GET1: variants seen among roughly 807,000 people sequenced by gnomAD.
The protein encoded by GET1 is guided entry of tail-anchored proteins factor 1.
Under a neutral mutation model 22.6 loss-of-function variants are expected in GET1, and 20 were observed. The observed-to-expected ratio is 0.89, with a 90% CI of 0.62 to 1.29. The LOEUF is 1.29. Ranked by LOEUF, GET1 falls within the 50% of genes most tolerant of loss-of-function variation. The probability of loss-of-function intolerance (pLI) is 0.00; values close to 1 mark genes in which losing one functional copy is unlikely to be tolerated. For synonymous variants in GET1, 92 were observed against 83.8 expected (o/e 1.10, Z -0.53); for missense variants, 209 against 219.9 (o/e 0.95, Z 0.31).
downstream of GET1, among the ~76,000 whole-genome samples, chr21:39,407,534 ACCT>A (rs371320765): frequency 1.1e-3 from 168 of 152,016 alleles, 1 homozygote; most frequent in African/African-American, 3.7e-3. Flanking sequence ...TAACAATAAA[ACCT>A]CCTAAACATC....
chr21:39,399,625 G>A (rs1210173490), downstream of GET1, among the ~76,000 whole-genome samples: 1 of 152,016 alleles, frequency 6.6e-6, no homozygotes, highest in African/African-American at 2.4e-5. Flanking sequence ...ATGTTTAGTA[G>A]AGATGGGGTT....
chr21:39,413,110 C>T (rs1362315725), intron 1 of GET1, among the ~76,000 whole-genome samples: 1 of 152,164 alleles, frequency 6.6e-6, no homozygotes, highest in Non-Finnish European at 1.5e-5. Flanking sequence ...GGAGTTTTAG[C>T]AGCCACATTC....
intron 1 of GET1, chr21:39,423,621 T>A (rs1802452945): frequency 1.4e-6 from 1 of 698,842 alleles, no homozygotes; most frequent in Non-Finnish European, 2.2e-6. Flanking sequence ...TAAGTGTAAC[T>A]AGAAGGGGAC....
At chr21:39,380,834 A>G (rs1373352002) in intron 1 of GET1, 4 of 985,780 alleles carry the variant, frequency 4.1e-6, no homozygotes, top group Non-Finnish European at 3.6e-6. Flanking sequence ...GCCCTCGGCC[A>G]GGGTTTCCCA....
intron 1 of GET1, among the ~76,000 whole-genome samples, chr21:39,412,173 C>T (rs958767843): frequency 9.2e-5 from 14 of 152,202 alleles, no homozygotes; most frequent in African/African-American, 2.2e-4. Flanking sequence ...AAATTTAGGT[C>T]GTCAGCCACA....
intron 1 of GET1, among the ~76,000 whole-genome samples, chr21:39,423,838 C>T (rs2074162000): frequency 6.6e-6 from 1 of 152,102 alleles, no homozygotes; most frequent in Non-Finnish European, 1.5e-5. Flanking sequence ...ACTTAGATTT[C>T]TATTATAACA....
At chr21:39,396,456 A>C (rs2038653854) in intron 4 of GET1, among the ~76,000 whole-genome samples, 1 of 152,016 alleles carries the variant, frequency 6.6e-6, no homozygotes, top group Admixed American at 6.6e-5. Flanking sequence ...TGAACCCGGG[A>C]GGTAGAGCTT....
downstream of GET1, among the ~76,000 whole-genome samples, chr21:39,408,095 A>G (rs963674879): frequency 2.0e-5 from 3 of 152,212 alleles, no homozygotes; most frequent in African/African-American, 7.2e-5. Context: ...TCATGCATGT[A>G]CTTTCCTCAG....
At chr21:39,417,900 G>A (rs553681960) in intron 1 of GET1, among the ~76,000 whole-genome samples, 1 of 152,190 alleles carries the variant, frequency 6.6e-6, no homozygotes, top group African/African-American at 2.4e-5. Flanking sequence ...CAAGTAGCTG[G>A]GACTACAGGT....
intron 1 of GET1, among the ~76,000 whole-genome samples, chr21:39,426,351 G>A (rs1258869642): frequency 1.3e-5 from 2 of 152,110 alleles, no homozygotes; most frequent in African/African-American, 4.8e-5. Context: ...AATTCGAAAT[G>A]CAATTTCTCT....
chr21:39,409,592 G>T (rs1019633371), downstream of GET1, among the ~76,000 whole-genome samples: 2 of 150,232 alleles, frequency 1.3e-5, no homozygotes, highest in African/African-American at 4.9e-5. This position sits in a 1 kb window ranked among gnomAD's most constrained non-coding sequence, Gnocchi z 4.2. Flanking sequence ...ACGGTTTTAT[G>T]TTTTTTTTTT....
downstream of GET1, chr21:39,410,303 C>T (rs746018561): frequency 8.1e-6 from 13 of 1,610,650 alleles, no homozygotes; most frequent in Non-Finnish European, 1.0e-5. Context: ...TTTGGGTTCC[C>T]TGGTGTCTCA....
chr21:39,380,536 C>A (rs1450897543), intron 1 of GET1, 50 bp downstream of exon 1: 3 of 1,576,140 alleles, frequency 1.9e-6, no homozygotes, highest in East Asian at 4.6e-5. Flanking sequence ...CCGCCCCAGT[C>A]CCCCGGCGGG....
intron 1 of GET1, among the ~76,000 whole-genome samples, chr21:39,419,539 A>AAG (rs2041924438): frequency 2.0e-5 from 3 of 151,680 alleles, no homozygotes; most frequent in African/African-American, 7.3e-5. Flanking sequence ...AAAAAAAGAA[A>AAG]AAAGAAAAAA....
chr21:39,417,358 C>T (rs1057009287), intron 1 of GET1, among the ~76,000 whole-genome samples: 8 of 151,982 alleles, frequency 5.3e-5, no homozygotes, highest in African/African-American at 9.7e-5. Flanking sequence ...GTTTTTTTTA[C>T]GTTTAATTCT....
chr21:39,416,702 C>T (rs2041231225), intron 1 of GET1, among the ~76,000 whole-genome samples: 1 of 152,038 alleles, frequency 6.6e-6, no homozygotes, highest in Non-Finnish European at 1.5e-5. Flanking sequence ...TTCTCAATGA[C>T]AACACCATAA....
At chr21:39,391,528 A>T in intron 2 of GET1, 24 of 430,218 alleles carry the variant, frequency 5.6e-5, no homozygotes, top group East Asian at 1.0e-4. Flanking sequence ...GAGTCGTTTT[A>T]AGAGTTTTCA....
intron 1 of GET1, among the ~76,000 whole-genome samples, chr21:39,382,098 A>G (rs1375168797): frequency 6.8e-6 from 1 of 146,892 alleles, no homozygotes; most frequent in African/African-American, 2.5e-5. Context: ...TCTGTTGCCT[A>G]TGTAGGAGTG....
chr21:39,387,098 G>C (rs1428588135), intron 1 of GET1, among the ~76,000 whole-genome samples: 2 of 152,154 alleles, frequency 1.3e-5, no homozygotes. Flanking sequence ...GGGCTCAAAC[G>C]ATCTTCCCGC....
Sources: gnomAD v4.1 joint callset for allele counts (sites outside exome capture counted in the v4.1 genomes callset) on GRCh38, gnomAD v4.1.1 for gene constraint, Gnocchi (gnomAD v3.1) non-coding constraint, MANE v1.5 for transcripts, NCBI Gene and HGNC (gene_info 2026-07-23, HGNC 2026-07-21) for gene names.